The following CSMD1 variants were observed in gnomAD, a reference collection of about 807,000 sequenced individuals.
CSMD1 encodes CUB and Sushi multiple domains 1, also known as CUB and sushi domain-containing protein 1.
In CSMD1, 213 loss-of-function variants were observed where a neutral mutation model predicts 417.5. The ratio of observed to expected loss-of-function variants is 0.51; its 90% CI spans 0.46 to 0.57. The LOEUF is 0.57. CSMD1 is among the 20% of genes least tolerant of loss of function. The pLI, the probability that CSMD1 is intolerant of heterozygous loss-of-function variation, is 0.00. For synonymous variants in CSMD1, 2,862 were observed against 1,736.8 expected (o/e 1.65, Z -16.11); for missense variants, 6,923 against 4,529.7 (o/e 1.53, Z -15.17).
chr8:3,791,442 C>A (rs907511764), intron 5 of CSMD1, among the ~76,000 whole-genome samples: 1 of 152,202 alleles, frequency 6.6e-6, no homozygotes, highest in Non-Finnish European at 1.5e-5. Flanking sequence ...AGCATCCTAG[C>A]ATAGTGCTGA....
intron 5 of CSMD1, among the ~76,000 whole-genome samples, chr8:3,876,096 G>C (rs1340256489): frequency 6.6e-6 from 1 of 151,482 alleles, no homozygotes; most frequent in Non-Finnish European, 1.5e-5. Flanking sequence ...CTATATATTT[G>C]TTTTCTTCCT....
At chr8:4,020,295 T>C (rs1796724969) in intron 4 of CSMD1, among the ~76,000 whole-genome samples, 1 of 152,258 alleles carries the variant, frequency 6.6e-6, no homozygotes, top group Admixed American at 6.5e-5. Flanking sequence ...AGTGCAGAGC[T>C]GCTGAACAAG....
At chr8:3,010,397 C>A (rs1303864537) in intron 52 of CSMD1, among the ~76,000 whole-genome samples, 1 of 152,164 alleles carries the variant, frequency 6.6e-6, no homozygotes, top group Non-Finnish European at 1.5e-5. Context: ...TCAAAACCTG[C>A]CCTAGAGCGG....
Position 4,226,897 on chromosome 8 carries a change from A to G in CSMD1, c.415+193056T>C, listed in dbSNP as rs115797333. 5.4e-3 allele frequency among the ~76,000 whole-genome samples: 830 copies of G among 152,306 alleles called. 8 individuals carry two copies. The highest frequency in any genetic ancestry group is 0.019 in the African/African-American group (777 of 41,562). ...ATAAGAAATACATATTTGAACGTAA[A>G]GGATTTTTTGTTGTTGTTGTCACTT... On this transcript the variant is annotated intron_variant, in intron 3 of 69. Transcript: ENST00000635120.
chr8:4,365,312 T>G (rs971134457), intron 3 of CSMD1, among the ~76,000 whole-genome samples: 1 of 152,240 alleles, frequency 6.6e-6, no homozygotes, highest in Non-Finnish European at 1.5e-5. Flanking sequence ...CACCTGATTC[T>G]GAAAACTGTA....
intron 1 of CSMD1, among the ~76,000 whole-genome samples, chr8:4,721,404 T>C (rs879554742): frequency 4.6e-5 from 7 of 152,188 alleles, no homozygotes; most frequent in Non-Finnish European, 1.0e-4. Flanking sequence ...TAAAAAAGAA[T>C]GAATCTGACT....
intron 1 of CSMD1, among the ~76,000 whole-genome samples, chr8:4,953,110 T>C (rs906980158): frequency 2.6e-5 from 4 of 152,140 alleles, no homozygotes; most frequent in African/African-American, 7.2e-5. Flanking sequence ...TCAAATGGAA[T>C]TGTAACAGTT....
At chr8:4,395,555 A>G (rs147075117) in intron 3 of CSMD1, among the ~76,000 whole-genome samples, 7 of 151,966 alleles carry the variant, frequency 4.6e-5, no homozygotes, top group South Asian at 2.1e-4. Context: ...TCGTGGAGCT[A>G]TAACTATCTG....
intron 1 of CSMD1, among the ~76,000 whole-genome samples, chr8:4,789,297 T>C (rs949900074): frequency 3.3e-5 from 5 of 152,220 alleles, no homozygotes; most frequent in African/African-American, 1.2e-4. Flanking sequence ...ATACCAAACA[T>C]GCACAACACC....
intron 3 of CSMD1, among the ~76,000 whole-genome samples, chr8:4,254,367 T>C (rs769327868): frequency 2.0e-5 from 3 of 152,154 alleles, no homozygotes; most frequent in Non-Finnish European, 4.4e-5. Context: ...AGTACAGTAA[T>C]GGGCTGCATG....
chr8:3,496,887 T>G (rs1796386831), intron 10 of CSMD1, among the ~76,000 whole-genome samples: 1 of 152,222 alleles, frequency 6.6e-6, no homozygotes, highest in Non-Finnish European at 1.5e-5. Flanking sequence ...CATTGGCCTA[T>G]TTCTTCATAG....
intron 2 of CSMD1, among the ~76,000 whole-genome samples, chr8:4,440,794 G>A (rs890589234): frequency 5.3e-5 from 8 of 151,828 alleles, no homozygotes; most frequent in Admixed American, 3.3e-4. Context: ...TCAGCAGTTC[G>A]GGACCAGCCT....
At chr8:4,176,363 C>G (rs56216951) in intron 3 of CSMD1, among the ~76,000 whole-genome samples, 10,666 of 152,070 alleles carry the variant, frequency 0.07, 465 homozygotes, top group Middle Eastern at 0.16. Context: ...AGTATGACAA[C>G]AATCTACACT....
chr8:3,595,486 G>C (rs920641989), intron 8 of CSMD1, among the ~76,000 whole-genome samples: 2 of 152,158 alleles, frequency 1.3e-5, no homozygotes, highest in African/African-American at 2.4e-5. Flanking sequence ...AGAGTAGATG[G>C]AACTCTCTAG....
chr8:3,761,067 A>G (rs534963127), intron 5 of CSMD1, among the ~76,000 whole-genome samples: 1 of 152,264 alleles, frequency 6.6e-6, no homozygotes, highest in Admixed American at 6.5e-5. Flanking sequence ...TCAAACAGAG[A>G]GTTCCTGACA....
intron 3 of CSMD1, among the ~76,000 whole-genome samples, chr8:4,397,250 G>C (rs1423010243): frequency 6.6e-6 from 1 of 152,030 alleles, no homozygotes. Flanking sequence ...GTGTGAGCAT[G>C]CGTTTTTTCA....
At chr8:3,701,869 C>G (rs1458479966) in intron 7 of CSMD1, among the ~76,000 whole-genome samples, 1 of 152,144 alleles carries the variant, frequency 6.6e-6, no homozygotes, top group Non-Finnish European at 1.5e-5. Flanking sequence ...GGAGATGGAA[C>G]CACTGTGTGT....
intron 1 of CSMD1, among the ~76,000 whole-genome samples, chr8:4,649,085 T>C (rs1482534828): frequency 1.3e-5 from 2 of 152,186 alleles, no homozygotes; most frequent in African/African-American, 2.4e-5. Context: ...GTGCTCAAAA[T>C]AAGTGAGTCA....
At chr8:3,518,434 G>T (rs147400813) in intron 10 of CSMD1, among the ~76,000 whole-genome samples, 1 of 152,232 alleles carries the variant, frequency 6.6e-6, no homozygotes, top group East Asian at 1.9e-4. Flanking sequence ...ACAAAAATCT[G>T]CTTTTAAAAT....
Sources: gnomAD v4.1 joint callset for allele counts (sites outside exome capture counted in the v4.1 genomes callset) on GRCh38, gnomAD v4.1.1 for gene constraint, MANE v1.5 for transcripts, NCBI Gene and HGNC (gene_info 2026-07-23, HGNC 2026-07-21) for gene names.